The following LRBA variants were observed in gnomAD, a reference collection of about 807,000 sequenced individuals.
LRBA encodes the protein LPS responsive beige-like anchor protein, also known as lipopolysaccharide-responsive and beige-like anchor protein.
In LRBA, 176 loss-of-function variants were observed where a neutral mutation model predicts 330.0. The observed-to-expected ratio is 0.53, with a 90% CI of 0.47 to 0.60. LRBA has a LOEUF of 0.60. Ranked by LOEUF, LRBA falls within the 20% of genes least tolerant of loss-of-function variation. LRBA has a pLI of 0.00. For missense variants in LRBA, 3,259 were observed against 3,444.8 expected (o/e 0.95, Z 1.35); for synonymous variants, 1,230 against 1,193.0 (o/e 1.03, Z -0.64).
chr4:150,307,615 G>C (rs919469528), intron 52 of LRBA, among the ~76,000 whole-genome samples: 1 of 151,514 alleles, frequency 6.6e-6, no homozygotes, highest in Non-Finnish European at 1.5e-5. Flanking sequence ...GTAGTGGCAT[G>C]TGCCTGTGGT....
chr4:150,574,356 A>C (rs1770264668), intron 40 of LRBA, among the ~76,000 whole-genome samples: 1 of 152,140 alleles, frequency 6.6e-6, no homozygotes, highest in Non-Finnish European at 1.5e-5. Flanking sequence ...AAACATCTGC[A>C]GAAAGATTTC....
intron 36 of LRBA, among the ~76,000 whole-genome samples, chr4:150,685,914 A>AAGAG (rs1783582620): frequency 6.6e-6 from 1 of 152,208 alleles, no homozygotes; most frequent in Non-Finnish European, 1.5e-5. Flanking sequence ...AGTTTGACCC[A>AAGAG]AGTACAAAAT....
intron 43 of LRBA, among the ~76,000 whole-genome samples, chr4:150,468,234 T>A (rs1275630664): frequency 6.6e-6 from 1 of 152,036 alleles, no homozygotes; most frequent in Admixed American, 6.6e-5. Flanking sequence ...AACTAAGCAA[T>A]CAAGTTTAAA....
chr4:150,690,096 ATAGATT>A (rs1241507490), intron 36 of LRBA, among the ~76,000 whole-genome samples: 2 of 152,158 alleles, frequency 1.3e-5, no homozygotes, highest in Non-Finnish European at 2.9e-5. Context: ...TATACAGTTT[ATAGATT>A]TAAAGATTCA....
intron 36 of LRBA, among the ~76,000 whole-genome samples, chr4:150,724,607 C>G (rs766528630): frequency 6.6e-6 from 1 of 151,912 alleles, no homozygotes; most frequent in African/African-American, 2.4e-5. Flanking sequence ...CCAATTCTGA[C>G]GAAACAGAGA....
chr4:150,504,216 C>A (rs915699930), intron 40 of LRBA, among the ~76,000 whole-genome samples: 2 of 152,264 alleles, frequency 1.3e-5, no homozygotes, highest in South Asian at 4.1e-4. Context: ...GGCAGGCCAA[C>A]ATTCAAATTC....
At chr4:150,545,580 G>C (rs1765765422) in intron 40 of LRBA, among the ~76,000 whole-genome samples, 1 of 152,058 alleles carries the variant, frequency 6.6e-6, no homozygotes, top group African/African-American at 2.4e-5. Context: ...TGGTAAACAG[G>C]TGAACAAAAC....
intron 37 of LRBA, among the ~76,000 whole-genome samples, chr4:150,603,314 G>C (rs1303440850): frequency 6.6e-6 from 1 of 152,076 alleles, no homozygotes; most frequent in Non-Finnish European, 1.5e-5. Flanking sequence ...TCTAACTTCA[G>C]AGTCTGAAGT....
At chr4:150,295,375 C>T (rs1728853251) in intron 53 of LRBA, among the ~76,000 whole-genome samples, 1 of 151,674 alleles carries the variant, frequency 6.6e-6, no homozygotes, top group South Asian at 2.1e-4. Context: ...TTTTTTACTT[C>T]TTGTAGAGAC....
At chr4:150,623,120 T>A (rs1299183456) in intron 37 of LRBA, among the ~76,000 whole-genome samples, 1 of 152,206 alleles carries the variant, frequency 6.6e-6, no homozygotes, top group Non-Finnish European at 1.5e-5. Flanking sequence ...GATTCCTAGC[T>A]AGCTACTGAT....
chr4:150,325,666 G>T, intron 49 of LRBA, 143 bp downstream of exon 49: 2 of 624,350 alleles, frequency 3.2e-6, no homozygotes, highest in Non-Finnish European at 5.8e-6. Context: ...AACATCTGCT[G>T]GTTGTTAGCA....
At chr4:150,403,196 G>T (rs966861817) in intron 47 of LRBA, among the ~76,000 whole-genome samples, 1 of 152,214 alleles carries the variant, frequency 6.6e-6, no homozygotes, top group African/African-American at 2.4e-5. Flanking sequence ...ACACAGGCAG[G>T]GGAGGGGTTA....
At chr4:150,355,602 A>G (rs1423927522) in intron 47 of LRBA, among the ~76,000 whole-genome samples, 1 of 152,104 alleles carries the variant, frequency 6.6e-6, no homozygotes, top group Non-Finnish European at 1.5e-5. Flanking sequence ...TTCCACTCCC[A>G]GGCTTCTAGA....
intron 40 of LRBA, among the ~76,000 whole-genome samples, chr4:150,536,211 TAAATTCCACTTTGGGCAAA>T (rs1764641820): frequency 6.6e-6 from 1 of 152,178 alleles, no homozygotes; most frequent in African/African-American, 2.4e-5. Context: ...ATTCCCAGAT[TAAATTCCACTTTGGGCAAA>T]AAAGTTACAA....
At chr4:150,893,366 G>A (rs536479522) in intron 16 of LRBA, among the ~76,000 whole-genome samples, 6 of 150,170 alleles carry the variant, frequency 4.0e-5, no homozygotes, top group East Asian at 3.9e-4. Flanking sequence ...TTTTTTGTGC[G>A]GGGGGGCAGA....
intron 37 of LRBA, among the ~76,000 whole-genome samples, chr4:150,622,688 C>CTTTTTTTTTTTTTTTTTTTTTTT (rs10528461): frequency 9.5e-6 from 1 of 105,662 alleles, no homozygotes; most frequent in Admixed American, 9.5e-5. Context: ...CTAAATCAAT[C>CTTTTTTTTTTTTTTTTTTTTTTT]TTTTTTTTTT....
At chr4:150,529,734 A>G (rs1272094765) in intron 40 of LRBA, among the ~76,000 whole-genome samples, 1 of 90,690 alleles carries the variant, frequency 1.1e-5, no homozygotes, top group Non-Finnish European at 2.3e-5. Context: ...AAAAAAAAAG[A>G]AAAAAAAAAT....
At chr4:150,560,696 G>A (rs1023365688) in intron 40 of LRBA, among the ~76,000 whole-genome samples, 2 of 152,080 alleles carry the variant, frequency 1.3e-5, no homozygotes, top group South Asian at 2.1e-4. Flanking sequence ...AATTAAAAGC[G>A]TTACTATCGG....
At chr4:150,708,349 T>A (rs1785842310) in intron 36 of LRBA, among the ~76,000 whole-genome samples, 1 of 151,872 alleles carries the variant, frequency 6.6e-6, no homozygotes. Context: ...GGATATGAAC[T>A]CTGACAGAAA....
Sources: allele counts gnomAD v4.1 joint callset (sites outside exome capture counted in the v4.1 genomes callset), GRCh38; gene constraint gnomAD v4.1.1; transcripts MANE v1.5; gene names NCBI Gene and HGNC (gene_info 2026-07-23, HGNC 2026-07-21).